Variants in RBFOX1 observed in about 807,000 individuals in gnomAD.
RBFOX1 encodes RNA binding fox-1 homolog 1.
RBFOX1 carries 8 observed loss-of-function variants against 57.7 expected under a neutral mutation model. The observed-to-expected ratio is 0.14, with a 90% CI of 0.08 to 0.25. The LOEUF (loss-of-function observed/expected upper bound fraction) is 0.25. RBFOX1 is among the 10% of genes least tolerant of loss of function. The pLI, the probability that RBFOX1 is intolerant of heterozygous loss-of-function variation, is 1.00. For missense variants in RBFOX1, 611 were observed against 548.5 expected (o/e 1.11, Z -1.14); for synonymous variants, 326 against 222.4 (o/e 1.47, Z -4.15).
intron 1 of RBFOX1, among the ~76,000 whole-genome samples, chr16:6,241,722 C>A (rs1230724457): frequency 2.6e-5 from 4 of 152,178 alleles, no homozygotes; most frequent in Non-Finnish European, 4.4e-5. Flanking sequence ...CAACACCAAT[C>A]AAGGAAGCTG....
chr16:6,557,038 T>C (rs547266647), intron 2 of RBFOX1, among the ~76,000 whole-genome samples: 24 of 129,546 alleles, frequency 1.9e-4, no homozygotes, highest in African/African-American at 5.4e-4. Context: ...TATATACACA[T>C]ATATATACAT....
At chr16:6,860,195 G>C (rs1218059448) in intron 3 of RBFOX1, among the ~76,000 whole-genome samples, 1 of 152,172 alleles carries the variant, frequency 6.6e-6, no homozygotes, top group Non-Finnish European at 1.5e-5. Context: ...TAGCGGAAAT[G>C]AATTCATTCA....
At chr16:7,531,725 A>G (rs2080124964) in intron 5 of RBFOX1, among the ~76,000 whole-genome samples, 1 of 152,152 alleles carries the variant, frequency 6.6e-6, no homozygotes, top group Non-Finnish European at 1.5e-5. Context: ...TCCAAAACCC[A>G]TTTTGTGTGA....
rs149255859 is a variant in RBFOX1 at position 6,814,667 on chromosome 16, T to C, written c.-16+160017T>C. ...GACAAAGAGGCTAAGGGGGAAGGGCTCCTCCAAGCACAGGGAGCAGCATGT... is the reference window on the plus strand; with the variant it reads ...GACAAAGAGGCTAAGGGGGAAGGGCCCCTCCAAGCACAGGGAGCAGCATGT... On this transcript the variant is annotated intron_variant, in intron 3 of 15. Transcript: ENST00000550418. Among the ~76,000 whole-genome samples, 17 of 152,142 alleles carry C rather than the reference T, an allele frequency of 1.1e-4. No individual in the cohort carries two copies. In the East Asian group the frequency reaches 3.3e-3, roughly 29 times the overall value.
intron 4 of RBFOX1, among the ~76,000 whole-genome samples, chr16:7,369,194 C>T (rs1043724322): frequency 6.6e-6 from 1 of 151,882 alleles, no homozygotes; most frequent in Non-Finnish European, 1.5e-5. Flanking sequence ...CCAAGTCTTG[C>T]CACCTTCCCC....
chr16:7,554,289 A>G (rs536123942), intron 5 of RBFOX1, among the ~76,000 whole-genome samples: 8 of 152,352 alleles, frequency 5.3e-5, no homozygotes, highest in East Asian at 1.9e-4. Flanking sequence ...TTCTTCAACT[A>G]TCTTCCAAGG....
At chr16:6,385,879 G>A (rs527956702) in intron 2 of RBFOX1, among the ~76,000 whole-genome samples, 1 of 151,974 alleles carries the variant, frequency 6.6e-6, no homozygotes, top group African/African-American at 2.4e-5. Flanking sequence ...CTTTGTATGG[G>A]ACAGCTTCCC....
chr16:5,522,113 C>T (rs1265607613), intron 2 of RBFOX1, among the ~76,000 whole-genome samples: 4 of 152,234 alleles, frequency 2.6e-5, no homozygotes, highest in African/African-American at 9.7e-5. Context: ...CTGGAGTAAG[C>T]TCATGCTCCT....
At chr16:5,779,408 G>A (rs1437185167) in intron 3 of RBFOX1, among the ~76,000 whole-genome samples, 2 of 152,202 alleles carry the variant, frequency 1.3e-5, no homozygotes, top group Non-Finnish European at 2.9e-5. Flanking sequence ...TGTAGCTGGT[G>A]CTATACAATT....
At chr16:6,638,580 G>C (rs748948137) in intron 2 of RBFOX1, among the ~76,000 whole-genome samples, 1 of 152,164 alleles carries the variant, frequency 6.6e-6, no homozygotes, top group African/African-American at 2.4e-5. Context: ...ATGGCTATCG[G>C]TATGTTCTTT....
chr16:6,080,185 C>T (rs2095978865), intron 1 of RBFOX1, among the ~76,000 whole-genome samples: 1 of 152,096 alleles, frequency 6.6e-6, no homozygotes, highest in South Asian at 2.1e-4. Flanking sequence ...CAGGGTTTGC[C>T]ATCCCAATCT....
At chr16:7,291,281 T>A (rs959643950) in intron 4 of RBFOX1, among the ~76,000 whole-genome samples, 1 of 152,154 alleles carries the variant, frequency 6.6e-6, no homozygotes, top group African/African-American at 2.4e-5. Context: ...ACATCCTTAG[T>A]TTTGGGTATT....
chr16:7,322,163 C>T (rs1218348200), intron 4 of RBFOX1, among the ~76,000 whole-genome samples: 2 of 152,232 alleles, frequency 1.3e-5, no homozygotes, highest in African/African-American at 2.4e-5. Flanking sequence ...AAAAAAGCTT[C>T]AGCAGAGAGA....
intron 3 of RBFOX1, among the ~76,000 whole-genome samples, chr16:6,666,486 G>T (rs2098733553): frequency 6.7e-6 from 1 of 148,296 alleles, no homozygotes; most frequent in Non-Finnish European, 1.5e-5. Flanking sequence ...GTTACAGTCA[G>T]CTGAGATCAC....
At chr16:5,294,218 G>T (rs148498461) in intron 1 of RBFOX1, among the ~76,000 whole-genome samples, 4,478 of 152,240 alleles carry the variant, frequency 0.029, 87 homozygotes, top group East Asian at 0.089. Flanking sequence ...GACAGAACAA[G>T]ATTCTGTCTC....
At chr16:5,559,760 C>T (rs1387921571) in intron 2 of RBFOX1, among the ~76,000 whole-genome samples, 2 of 152,172 alleles carry the variant, frequency 1.3e-5, no homozygotes, top group African/African-American at 4.8e-5. Context: ...TCAGTGATAA[C>T]CACTCCCCTC....
At chr16:7,127,481 A>G (rs948287773) in intron 4 of RBFOX1, among the ~76,000 whole-genome samples, 13 of 152,188 alleles carry the variant, frequency 8.5e-5, no homozygotes, top group African/African-American at 2.7e-4. Flanking sequence ...TAAGAAATAA[A>G]TAGAGCAGTT....
At chr16:6,265,217 T>C (rs1340860045) in intron 1 of RBFOX1, among the ~76,000 whole-genome samples, 1 of 152,174 alleles carries the variant, frequency 6.6e-6, no homozygotes, top group African/African-American at 2.4e-5. Context: ...CTCGGGCCTC[T>C]CCAAGTGGCC....
intron 2 of RBFOX1, among the ~76,000 whole-genome samples, chr16:6,502,126 C>T (rs1354787222): frequency 6.6e-6 from 1 of 152,222 alleles, no homozygotes; most frequent in African/African-American, 2.4e-5. Flanking sequence ...CCAAAAAATT[C>T]CTTCAGTGTC....
Sources: allele counts gnomAD v4.1 joint callset (sites outside exome capture counted in the v4.1 genomes callset), GRCh38; gene constraint gnomAD v4.1.1; transcripts MANE v1.5; gene names NCBI Gene and HGNC (gene_info 2026-07-23, HGNC 2026-07-21).